Variants in CNTN5 observed in about 807,000 individuals in gnomAD.
CNTN5 encodes the protein contactin 5, also known as contactin-5.
Under a neutral mutation model 129.1 loss-of-function variants are expected in CNTN5, and 77 were observed. The ratio of observed to expected loss-of-function variants is 0.60; its 90% CI spans 0.50 to 0.72. The LOEUF is 0.72. Ranked by LOEUF, CNTN5 falls within the 30% of genes least tolerant of loss-of-function variation. The pLI is 0.00. For missense variants in CNTN5, 1,478 were observed against 1,328.8 expected (o/e 1.11, Z -1.75); for synonymous variants, 509 against 465.6 (o/e 1.09, Z -1.20).
intron 3 of CNTN5, among the ~76,000 whole-genome samples, chr11:99,747,558 C>T (rs556647062): frequency 6.6e-5 from 10 of 151,262 alleles, no homozygotes; most frequent in East Asian, 2.0e-4. Flanking sequence ...CTCTGCCTCC[C>T]GGGTTTACCC....
At chr11:100,338,657 G>T (rs567947387) in intron 21 of CNTN5, among the ~76,000 whole-genome samples, 200 of 152,248 alleles carry the variant, frequency 1.3e-3, no homozygotes, top group African/African-American at 4.6e-3. Flanking sequence ...TTGTGGGAGG[G>T]AGCACATGAA....
intron 4 of CNTN5, among the ~76,000 whole-genome samples, chr11:99,827,647 G>A (rs1947007496): frequency 1.3e-5 from 2 of 152,188 alleles, no homozygotes; most frequent in South Asian, 4.1e-4. Flanking sequence ...TAGAGACAAA[G>A]TGTATATCTG....
intron 3 of CNTN5, among the ~76,000 whole-genome samples, chr11:99,718,113 T>C (rs1943042289): frequency 6.6e-6 from 1 of 152,172 alleles, no homozygotes; most frequent in Non-Finnish European, 1.5e-5. Flanking sequence ...GCCAATACGC[T>C]CTAATTGGAA....
chr11:100,237,459 G>A (rs969369019), intron 16 of CNTN5, among the ~76,000 whole-genome samples: 1 of 152,158 alleles, frequency 6.6e-6, no homozygotes, highest in Non-Finnish European at 1.5e-5. Context: ...CAAAATCCAT[G>A]CAGATTGAAC....
intron 1 of CNTN5, among the ~76,000 whole-genome samples, chr11:99,226,564 C>T (rs1184914478): frequency 6.6e-6 from 1 of 152,126 alleles, no homozygotes; most frequent in Non-Finnish European, 1.5e-5. Context: ...CGATAACAGG[C>T]CATATTCATC....
chr11:100,022,956 T>G (rs943717752), intron 9 of CNTN5, among the ~76,000 whole-genome samples: 6 of 152,172 alleles, frequency 3.9e-5, no homozygotes, highest in African/African-American at 1.2e-4. Context: ...AGATTATCTC[T>G]TTATAATAAG....
intron 2 of CNTN5, among the ~76,000 whole-genome samples, chr11:99,380,216 G>T (rs1006988105): frequency 6.6e-6 from 1 of 151,804 alleles, no homozygotes; most frequent in Non-Finnish European, 1.5e-5. Flanking sequence ...TTGGTGCAAA[G>T]GACCAAATGA....
chr11:100,023,998 A>C (rs1351328357), intron 9 of CNTN5, among the ~76,000 whole-genome samples: 1 of 152,162 alleles, frequency 6.6e-6, no homozygotes, highest in Non-Finnish European at 1.5e-5. Context: ...TGTCGATATA[A>C]GTTTTCAACT....
At chr11:99,709,380 T>G (rs1954879196) in intron 3 of CNTN5, among the ~76,000 whole-genome samples, 1 of 151,130 alleles carries the variant, frequency 6.6e-6, no homozygotes, top group South Asian at 2.1e-4. Flanking sequence ...TGCACTGAAT[T>G]GTTCAGTGGA....
intron 2 of CNTN5, among the ~76,000 whole-genome samples, chr11:99,523,423 C>T (rs1189290182): frequency 2.6e-5 from 4 of 151,922 alleles, no homozygotes; most frequent in Non-Finnish European, 4.4e-5. Flanking sequence ...GGCGAAACCC[C>T]ATCTCTACAA....
At chr11:99,073,203 G>A (rs1457605556) in intron 1 of CNTN5, among the ~76,000 whole-genome samples, 1 of 151,696 alleles carries the variant, frequency 6.6e-6, no homozygotes, top group East Asian at 1.9e-4. Context: ...TTTTTTTGGT[G>A]GACTTAAGCA....
At chr11:100,047,603 G>C (rs1465794623) in intron 9 of CNTN5, among the ~76,000 whole-genome samples, 1 of 152,126 alleles carries the variant, frequency 6.6e-6, no homozygotes, top group Non-Finnish European at 1.5e-5. Context: ...AATAAACAAA[G>C]TATTTTGTGG....
intron 1 of CNTN5, among the ~76,000 whole-genome samples, chr11:99,166,443 G>C (rs1330747795): frequency 6.6e-6 from 1 of 151,088 alleles, no homozygotes; most frequent in Non-Finnish European, 1.5e-5. Flanking sequence ...GACTCCAAAG[G>C]GTTTGAGCAT....
chr11:100,311,416 T>A (rs1951470792), intron 21 of CNTN5, among the ~76,000 whole-genome samples: 1 of 151,950 alleles, frequency 6.6e-6, no homozygotes, highest in Admixed American at 6.6e-5. Context: ...GAACTTTTTT[T>A]ATTTCTAAAA....
chr11:100,288,208 A>G (rs1173226222), intron 18 of CNTN5, among the ~76,000 whole-genome samples: 1 of 152,160 alleles, frequency 6.6e-6, no homozygotes, highest in African/African-American at 2.4e-5. Context: ...ACGAGACAGA[A>G]AGTCAACAAG....
At chr11:100,120,906 T>C (rs944850393) in intron 13 of CNTN5, among the ~76,000 whole-genome samples, 1 of 152,138 alleles carries the variant, frequency 6.6e-6, no homozygotes, top group Admixed American at 6.6e-5. Flanking sequence ...AGTAATTCGA[T>C]AGACTATCAT....
chr11:99,322,373 G>A (rs1865609099), intron 1 of CNTN5, among the ~76,000 whole-genome samples: 1 of 152,070 alleles, frequency 6.6e-6, no homozygotes, highest in Non-Finnish European at 1.5e-5. Context: ...GTAATTTGTA[G>A]CAAGTTTCAG....
At position 99,651,090 on chromosome 11, in the gene CNTN5, G is replaced by A. The variant is rs543297061; in HGVS notation, c.55+94821G>A. Among the ~76,000 whole-genome samples, 324 of 152,028 alleles carry A rather than the reference G, an allele frequency of 2.1e-3. 1 individual carries two copies. The highest frequency in any genetic ancestry group is 4.3e-3 in the East Asian group (22 of 5,172). On this transcript the variant is annotated intron_variant, in intron 3 of 24. Coordinates refer to ENST00000524871, the MANE Select transcript of CNTN5 (RefSeq NM_014361.4). ...GTTATTTAACATGCACAATCAAGAT[G>A]GGACTCTGTCCTTTTTAGAAAAGGA...
At chr11:99,326,302 T>C (rs897870087) in intron 2 of CNTN5, among the ~76,000 whole-genome samples, 1 of 152,224 alleles carries the variant, frequency 6.6e-6, no homozygotes, top group Admixed American at 6.5e-5. Flanking sequence ...TATAGAATGA[T>C]TATCTTTATT....
Sources: allele counts gnomAD v4.1 joint callset (sites outside exome capture counted in the v4.1 genomes callset), GRCh38; gene constraint gnomAD v4.1.1; transcripts MANE v1.5; gene names NCBI Gene and HGNC (gene_info 2026-07-23, HGNC 2026-07-21).